Variants in TBC1D1 observed in about 807,000 individuals in gnomAD.
The protein encoded by TBC1D1 is TBC1 domain family member 1, also known as TBC1 (tre-2/USP6, BUB2, cdc16) domain family, member 1.
A neutral mutation model predicts 125.6 loss-of-function variants in TBC1D1; 89 were observed. The ratio of observed to expected loss-of-function variants is 0.71; its 90% CI spans 0.60 to 0.85. The LOEUF (loss-of-function observed/expected upper bound fraction) is 0.85. TBC1D1 is among the 40% of genes least tolerant of loss of function. The pLI is 0.00. For synonymous variants in TBC1D1, 565 were observed against 564.1 expected (o/e 1.00, Z -0.02); for missense variants, 1,377 against 1,469.2 (o/e 0.94, Z 1.03).
At chr4:37,952,426 C>T (rs538608239) in intron 2 of TBC1D1, 2 of 275,396 alleles carry the variant, frequency 7.3e-6, no homozygotes, top group African/African-American at 2.2e-5. Context: ...GGTACATACA[C>T]ACCATGGAAT....
At chr4:38,097,776 C>A (rs189509415) in intron 14 of TBC1D1, among the ~76,000 whole-genome samples, 113 of 152,308 alleles carry the variant, frequency 7.4e-4, no homozygotes, top group African/African-American at 2.5e-3. Flanking sequence ...CTGCACCCGG[C>A]CTGCATATGC....
At chr4:38,035,017 A>G (rs1746935370) in intron 7 of TBC1D1, among the ~76,000 whole-genome samples, 1 of 152,220 alleles carries the variant, frequency 6.6e-6, no homozygotes, top group Non-Finnish European at 1.5e-5. Context: ...CTTCTGGTCC[A>G]GTGTGCTGTG....
intron 7 of TBC1D1, among the ~76,000 whole-genome samples, chr4:38,029,053 G>C (rs1357358621): frequency 6.6e-6 from 1 of 152,110 alleles, no homozygotes; most frequent in East Asian, 1.9e-4. Flanking sequence ...CATGCTGTGT[G>C]TGCTGGCATG....
intron 12 of TBC1D1, 59 bp downstream of exon 14, chr4:38,054,397 A>G: frequency 1.2e-6 from 2 of 1,605,086 alleles, no homozygotes; most frequent in Non-Finnish European, 1.7e-6. Context: ...GGACCCTGGG[A>G]GCCCCATCAT....
At position 38,014,698 on chromosome 4, in the gene TBC1D1, G is replaced by T. The variant is rs773814921; in HGVS notation, c.607G>T (p.Val203Phe). 1.2e-6 allele frequency: 2 copies of T among 1,612,744 alleles called. No individual in the cohort carries two copies. The highest frequency in any genetic ancestry group is 2.7e-5 in the African/African-American group (2 of 74,934). ...CGAGTGCATCGAGAAGTTCAATCAC[G>T]TCAGCGGCAGCCGGGGGTCCGAGAG... Residue 203 changes from valine (V) to phenylalanine (F), a missense_variant, in exon 3 of 20, where the codon GTC (valine) becomes TTC (phenylalanine). Around this residue, in one of 3 missense-constraint regions of TBC1D1, gnomAD observed 822 missense variants for 824.6 expected, o/e 1.00. Transcript: ENST00000261439. The surrounding 1 kb of genome is among the most constrained non-coding windows in gnomAD (Gnocchi z 5.1).
At chr4:38,067,402 G>A (rs534689675) in intron 12 of TBC1D1, among the ~76,000 whole-genome samples, 1 of 152,322 alleles carries the variant, frequency 6.6e-6, no homozygotes, top group South Asian at 2.1e-4. Context: ...CAGCTGGTGT[G>A]GTTTTTAGGA....
At chr4:38,113,860 A>G (rs945971671) in intron 15 of TBC1D1, among the ~76,000 whole-genome samples, 3 of 152,190 alleles carry the variant, frequency 2.0e-5, no homozygotes, top group African/African-American at 7.2e-5. Flanking sequence ...AGAATGCCTA[A>G]TGTCTCAGTA....
chr4:37,955,853 A>C (rs1728824323), intron 2 of TBC1D1, among the ~76,000 whole-genome samples: 1 of 152,068 alleles, frequency 6.6e-6, no homozygotes, highest in Non-Finnish European at 1.5e-5. Context: ...ACATATTGTC[A>C]GGGCTGGCCG....
At chr4:37,936,741 T>A (rs1488575568) in intron 2 of TBC1D1, among the ~76,000 whole-genome samples, 1 of 152,150 alleles carries the variant, frequency 6.6e-6, no homozygotes, top group African/African-American at 2.4e-5. Context: ...TGGGAAGAAG[T>A]GAGATATACT....
At chr4:38,077,377 A>G (rs1402545950) in intron 12 of TBC1D1, among the ~76,000 whole-genome samples, 3 of 152,242 alleles carry the variant, frequency 2.0e-5, no homozygotes, top group Non-Finnish European at 2.9e-5. Flanking sequence ...AGCTGCAGCT[A>G]TTGAGGAGAA....
chr4:37,942,951 C>T (rs563913359), intron 2 of TBC1D1, among the ~76,000 whole-genome samples: 1 of 152,136 alleles, frequency 6.6e-6, no homozygotes, highest in Non-Finnish European at 1.5e-5. Context: ...TACATTTTGG[C>T]ATGTTTTTGC....
intron 2 of TBC1D1, among the ~76,000 whole-genome samples, chr4:37,922,696 T>C (rs1265857693): frequency 6.6e-6 from 1 of 152,224 alleles, no homozygotes; most frequent in African/African-American, 2.4e-5. Flanking sequence ...TTCCTCCTTT[T>C]TGTCCAATCG....
At chr4:37,943,409 T>C (rs1025314691) in intron 2 of TBC1D1, among the ~76,000 whole-genome samples, 2 of 152,234 alleles carry the variant, frequency 1.3e-5, no homozygotes, top group Non-Finnish European at 2.9e-5. Flanking sequence ...GAAGTTCTCC[T>C]GGATAATATC....
chr4:37,956,758 C>G (rs1427261683), intron 2 of TBC1D1, among the ~76,000 whole-genome samples: 1 of 151,750 alleles, frequency 6.6e-6, no homozygotes, highest in Non-Finnish European at 1.5e-5. Flanking sequence ...ACCAGCCTGG[C>G]CAACACAGTG....
intron 12 of TBC1D1, among the ~76,000 whole-genome samples, chr4:38,058,865 C>T (rs79732761): frequency 6.6e-6 from 1 of 151,806 alleles, no homozygotes; most frequent in Non-Finnish European, 1.5e-5. Context: ...AAAAAAAAAT[C>T]TGGAGAGAAG....
In TBC1D1 at chr4:37,995,540, C is replaced by A; in HGVS notation, c.418-18969C>A. The A allele has an allele frequency of 2.7e-6, 1 of 366,314 alleles. No homozygotes were observed. The highest frequency in any genetic ancestry group is 5.4e-6 in the Non-Finnish European group (1 of 185,578). The allele number at this position is 366,314 out of a possible 1,614,324, so 22.7% of individuals were successfully genotyped here. A position where few individuals can be genotyped will look rare whatever the true frequency, so the allele number is the denominator to read the frequency against. Reference sequence around the variant, plus strand: ...TTCACCTTTTGGGTTGCGGTTTTCTCCAGGTTGGTGCTGATGATATGATAA... The same window carrying A: ...TTCACCTTTTGGGTTGCGGTTTTCTACAGGTTGGTGCTGATGATATGATAA... On this transcript the variant is annotated intron_variant, in intron 2 of 19. Transcript: ENST00000261439. This position sits in a 1 kb window ranked among gnomAD's most constrained non-coding sequence, Gnocchi z 4.3.
intron 14 of TBC1D1, among the ~76,000 whole-genome samples, chr4:38,102,238 TATAATA>T (rs77574841): frequency 3.6e-4 from 54 of 149,712 alleles, no homozygotes; most frequent in African/African-American, 1.3e-3. Context: ...AAATTTAAAG[TATAATA>T]ATAATAATAA....
rs74961847 is a variant in TBC1D1, at chr4:37,906,662, C to T, written c.417+4150C>T. 2.1e-3 allele frequency among the ~76,000 whole-genome samples: 313 copies of T among 152,314 alleles called. 2 individuals carry two copies. Among genetic ancestry groups the T allele is most frequent in the African/African-American group, 7.1e-3 (297 of 41,576 alleles). ...TGATGTCTTATCCTTCTTAGAGCCTCATCCCAGATCCTGTTCAGACATGCT... is the reference window on the plus strand; with the variant it reads ...TGATGTCTTATCCTTCTTAGAGCCTTATCCCAGATCCTGTTCAGACATGCT... On this transcript the variant is annotated intron_variant, in intron 2 of 19. Transcript: ENST00000261439.
chr4:37,990,732 T>G (rs953259352), intron 2 of TBC1D1, among the ~76,000 whole-genome samples: 1 of 152,206 alleles, frequency 6.6e-6, no homozygotes, highest in Non-Finnish European at 1.5e-5. Flanking sequence ...CCATCCAGTT[T>G]TGGTGTAACT....
Sources: allele counts gnomAD v4.1 joint callset (sites outside exome capture counted in the v4.1 genomes callset), GRCh38; gene constraint gnomAD v4.1.1; regional missense constraint gnomAD v4.1.1; non-coding constraint Gnocchi (gnomAD v3.1); transcripts MANE v1.5; gene names NCBI Gene and HGNC (gene_info 2026-07-23, HGNC 2026-07-21).